DMD: variants seen among roughly 807,000 people sequenced by gnomAD.
The protein encoded by DMD is mutant dystrophin.
Under a neutral mutation model 330.1 loss-of-function variants are expected in DMD, and 63 were observed. That is an observed-to-expected ratio of 0.19 (90% CI 0.16 to 0.24). The LOEUF (loss-of-function observed/expected upper bound fraction) is 0.24, where lower values mean the gene tolerates loss of function less well. Ranked by LOEUF, DMD falls within the 10% of genes least tolerant of loss-of-function variation. The pLI is 1.00. For missense variants in DMD, 3,344 were observed against 2,684.1 expected (o/e 1.25, Z -5.43); for synonymous variants, 1,223 against 959.8 (o/e 1.27, Z -5.07).
At chrX:31,371,141 T>C (rs1344948075) in intron 60 of DMD, among the ~76,000 whole-genome samples, 1 of 111,138 alleles carries the variant, frequency 9.0e-6, no homozygotes, top group African/African-American at 3.3e-5. Flanking sequence ...GACATTGAAC[T>C]AGAGTTTTGC....
Position 31,393,050 on chromosome X carries a change from T to C in DMD, c.9085-44416A>G, listed in dbSNP as rs2060748362. 2.7e-5 allele frequency among the ~76,000 whole-genome samples: 3 copies of C among 112,555 alleles called. No homozygotes were observed. The Admixed American group carries it at 2.8e-4, about 11-fold the overall frequency. On this transcript the variant is annotated intron_variant, in intron 60 of 78. Coordinates refer to ENST00000357033, the MANE Select transcript of DMD (RefSeq NM_004006.3). ...TGTCATCATCTCCACATATCATTGT[T>C]TTGAAATTTTAATATGGAAAGCAGG...
At chrX:32,633,936 T>C (rs1054297060) in intron 11 of DMD, among the ~76,000 whole-genome samples, 8 of 111,689 alleles carry the variant, frequency 7.2e-5, no homozygotes, top group Non-Finnish European at 1.1e-4. Flanking sequence ...CACTAGGCCC[T>C]ACCTCAAACA....
At chrX:31,795,093 C>T (rs2091764929) in intron 50 of DMD, among the ~76,000 whole-genome samples, 1 of 111,255 alleles carries the variant, frequency 9.0e-6, no homozygotes, top group African/African-American at 3.3e-5. Context: ...CCTACACCCA[C>T]TCTGAAATTC....
chrX:31,663,019 T>C (rs1989520305), intron 53 of DMD, among the ~76,000 whole-genome samples: 1 of 111,486 alleles, frequency 9.0e-6, no homozygotes, highest in Admixed American at 9.5e-5. Context: ...CCACTCAGTA[T>C]TGAGATGTAC....
intron 1 of DMD, among the ~76,000 whole-genome samples, chrX:33,181,909 G>A (rs1397862515): frequency 8.9e-6 from 1 of 111,875 alleles, no homozygotes; most frequent in African/African-American, 3.3e-5. Context: ...CTCACACATT[G>A]CCTGTTATTT....
chrX:33,203,135 G>C (rs1216736571), intron 1 of DMD, among the ~76,000 whole-genome samples: 1 of 111,130 alleles, frequency 9.0e-6, no homozygotes, highest in Non-Finnish European at 1.9e-5. Context: ...TTTCACTAAC[G>C]GTCCTCCAGA....
In DMD at chrX:32,228,375, T is replaced by C. The variant is rs2097155804; in HGVS notation, c.6291-11312A>G. On this transcript the variant is annotated intron_variant, in intron 43 of 78. Coordinates refer to ENST00000357033, the MANE Select transcript of DMD (RefSeq NM_004006.3). ...ATGGAAAAATATTCAGGGTGTACTATTCCTGCACTGCTTCTGAAAAAATAT... is the reference window on the plus strand; with the variant it reads ...ATGGAAAAATATTCAGGGTGTACTACTCCTGCACTGCTTCTGAAAAAATAT... 2.7e-5 allele frequency among the ~76,000 whole-genome samples: 3 copies of C among 111,609 alleles called. No homozygotes were observed. The South Asian group carries it at 1.1e-3, about 42-fold the overall frequency.
chrX:32,430,585 T>A (rs1347295773), intron 29 of DMD, among the ~76,000 whole-genome samples: 5 of 111,830 alleles, frequency 4.5e-5, no homozygotes, highest in East Asian at 5.6e-4. Flanking sequence ...TAACATAAGG[T>A]CTATCCTCTT....
intron 1 of DMD, among the ~76,000 whole-genome samples, chrX:33,324,906 C>T (rs2054068330): frequency 9.0e-6 from 1 of 111,109 alleles, no homozygotes; most frequent in African/African-American, 3.3e-5. Flanking sequence ...TATCTTCCAC[C>T]TTCCCTTTCC....
chrX:31,468,789 T>C (rs911262933), intron 59 of DMD, among the ~76,000 whole-genome samples: 1 of 111,653 alleles, frequency 9.0e-6, no homozygotes, highest in Non-Finnish European at 1.9e-5. Context: ...TATTATTGTA[T>C]GGGCATCTAT....
At chrX:33,291,419 G>C (rs1308865583) in intron 1 of DMD, among the ~76,000 whole-genome samples, 1 of 111,125 alleles carries the variant, frequency 9.0e-6, no homozygotes, top group African/African-American at 3.3e-5. Context: ...AATCAGGCAA[G>C]AGAAAGAAAT....
chrX:31,913,852 G>A (rs1175941650), intron 47 of DMD, among the ~76,000 whole-genome samples: 3 of 112,313 alleles, frequency 2.7e-5, no homozygotes, highest in African/African-American at 9.7e-5. Context: ...TTCGATAGGT[G>A]TATCTAGAAC....
At chrX:32,104,277 T>A (rs1210005482) in intron 44 of DMD, among the ~76,000 whole-genome samples, 1 of 112,183 alleles carries the variant, frequency 8.9e-6, no homozygotes, top group South Asian at 3.7e-4. Context: ...GAGCATTTTA[T>A]CTGCTCTAAT....
chrX:31,805,849 T>G (rs960958738), intron 50 of DMD, among the ~76,000 whole-genome samples: 3 of 112,500 alleles, frequency 2.7e-5, no homozygotes, highest in African/African-American at 9.7e-5. Context: ...TTAAACAATC[T>G]ATATTCCCTT....
intron 7 of DMD, among the ~76,000 whole-genome samples, chrX:32,759,911 A>C (rs1319533480): frequency 9.2e-6 from 1 of 108,164 alleles, no homozygotes; most frequent in Non-Finnish European, 1.9e-5. Flanking sequence ...GGATTCTAAC[A>C]ATTTTCCACT....
At chrX:32,957,171 A>G (rs1193886644) in intron 2 of DMD, among the ~76,000 whole-genome samples, 4 of 111,548 alleles carry the variant, frequency 3.6e-5, no homozygotes, top group African/African-American at 1.3e-4. Flanking sequence ...GCACCATTTC[A>G]ATTACTATAC....
chrX:32,271,982 T>C (rs2097366769), intron 43 of DMD, among the ~76,000 whole-genome samples: 1 of 111,746 alleles, frequency 8.9e-6, no homozygotes, highest in African/African-American at 3.2e-5. Context: ...GCTTATTATA[T>C]ACATTTAAGG....
intron 1 of DMD, chrX:33,128,106 C>T (rs1447751580): frequency 5.0e-6 from 6 of 1,199,108 alleles, no homozygotes; most frequent in Non-Finnish European, 6.7e-6. Context: ...ATTTATCATT[C>T]TTCTGAATGG....
chrX:33,057,298 A>C (rs2094529463), intron 1 of DMD, among the ~76,000 whole-genome samples: 1 of 111,963 alleles, frequency 8.9e-6, no homozygotes, highest in Admixed American at 9.5e-5. Flanking sequence ...GATTAAAGCC[A>C]CATCCACTGA....
Sources: allele counts gnomAD v4.1 joint callset (sites outside exome capture counted in the v4.1 genomes callset), GRCh38; gene constraint gnomAD v4.1.1; transcripts MANE v1.5; gene names NCBI Gene and HGNC (gene_info 2026-07-23, HGNC 2026-07-21).